Variants in SLC45A4 observed in about 807,000 individuals in gnomAD.
SLC45A4 encodes solute carrier family 45 member 4, also known as polyamine-transporter SLC45A4.
In SLC45A4, 32 loss-of-function variants were observed where a neutral mutation model predicts 63.7. The ratio of observed to expected loss-of-function variants is 0.50; its 90% CI spans 0.38 to 0.67. SLC45A4 has a LOEUF of 0.67. Ranked by LOEUF, SLC45A4 falls within the 30% of genes least tolerant of loss-of-function variation. The pLI is 0.00. For synonymous variants in SLC45A4, 535 were observed against 510.0 expected (o/e 1.05, Z -0.66); for missense variants, 1,027 against 1,157.7 (o/e 0.89, Z 1.64).
At position 141,217,099 on chromosome 8, in the gene SLC45A4, T is replaced by C. The variant is rs765063715; in HGVS notation, c.1720A>G (p.Ile574Val). ...CTTGGGGAGCTCTTACCTGAACAAA[T>C]AGCACCAGTGGCGGCATAAATGACC... ...GLVIYAATGA[I>V]CSALLQKYLD... Residue 574 changes from isoleucine to valine, a missense_variant, in exon 6 of 9, where the codon ATT becomes GTT. By Grantham distance (29) the Ile-to-Val change is conservative. Coordinates refer to ENST00000517878, the MANE Select transcript of SLC45A4 (RefSeq NM_001286646.2). 3.7e-6 allele frequency: 6 copies of C among 1,613,786 alleles called. No individual in the cohort carries two copies. Among genetic ancestry groups the C allele is most frequent in the African/African-American group, 2.7e-5 (2 of 74,902 alleles).
At chr8:141,236,955 C>T (rs1827658309) in intron 2 of SLC45A4, among the ~76,000 whole-genome samples, 1 of 152,228 alleles carries the variant, frequency 6.6e-6, no homozygotes, top group South Asian at 2.1e-4. Context: ...CCAGTCCTAT[C>T]AGTTCAAACA....
chr8:141,261,780 T>C (rs889654240), intron 1 of SLC45A4, among the ~76,000 whole-genome samples: 6 of 152,166 alleles, frequency 3.9e-5, no homozygotes, highest in African/African-American at 1.4e-4. Flanking sequence ...ATCAATATCA[T>C]GAAAATGGCC....
At position 141,303,827 on chromosome 8, in the gene SLC45A4, G is replaced by A. The variant is rs183781817; in HGVS notation, c.-401+4269C>T. ...ACAGGTTTAGGAGGATGAAAGTACC[G>A]AGACCCAGGTCTGAACAATACCTCC... On this transcript the variant is annotated intron_variant, in intron 1 of 8. Transcript: ENST00000517878. Among the ~76,000 whole-genome samples, 39 of 152,354 alleles carry A rather than the reference G, an allele frequency of 2.6e-4. 1 individual carries two copies. In the East Asian group the frequency reaches 7.3e-3, roughly 29 times the overall value.
intron 2 of SLC45A4, among the ~76,000 whole-genome samples, chr8:141,245,505 C>T (rs1301537895): frequency 6.6e-6 from 1 of 152,190 alleles, no homozygotes; most frequent in Non-Finnish European, 1.5e-5. Flanking sequence ...TTACTGCTTG[C>T]CTCCCCCAGG....
intron 1 of SLC45A4, among the ~76,000 whole-genome samples, chr8:141,260,048 C>T (rs1264339664): frequency 3.3e-5 from 5 of 152,112 alleles, no homozygotes; most frequent in African/African-American, 9.7e-5. Flanking sequence ...AGCATGGCAC[C>T]GGTGTCACCT....
At chr8:141,216,782 G>C (rs1201127920) in intron 6 of SLC45A4, among the ~76,000 whole-genome samples, 1 of 152,174 alleles carries the variant, frequency 6.6e-6, no homozygotes, top group African/African-American at 2.4e-5. Context: ...TCTGTGCTGG[G>C]GCCAGGGACA....
intron 1 of SLC45A4, among the ~76,000 whole-genome samples, chr8:141,295,700 C>T (rs1830521745): frequency 1.3e-5 from 2 of 152,216 alleles, no homozygotes; most frequent in Non-Finnish European, 1.5e-5. Context: ...CGATTGACCA[C>T]TCGGAACCCA....
intron 1 of SLC45A4, among the ~76,000 whole-genome samples, chr8:141,296,992 T>A (rs1399960870): frequency 6.6e-6 from 1 of 152,080 alleles, no homozygotes; most frequent in Admixed American, 6.5e-5. Flanking sequence ...CCTCCAGAAC[T>A]TGAGAAAGAA....
intron 1 of SLC45A4, among the ~76,000 whole-genome samples, chr8:141,263,628 G>C (rs1448641692): frequency 1.3e-5 from 2 of 151,176 alleles, no homozygotes; most frequent in Non-Finnish European, 3.0e-5. Context: ...AAATTAGCTG[G>C]GCATGGTGGC....
At chr8:141,233,197 A>T (rs898277361) in intron 2 of SLC45A4, among the ~76,000 whole-genome samples, 1 of 152,228 alleles carries the variant, frequency 6.6e-6, no homozygotes, top group Non-Finnish European at 1.5e-5. Context: ...AGCCAGGATG[A>T]GCTGGTTCCA....
At chr8:141,262,092 A>G (rs1463445016) in intron 1 of SLC45A4, among the ~76,000 whole-genome samples, 1 of 152,016 alleles carries the variant, frequency 6.6e-6, no homozygotes, top group Non-Finnish European at 1.5e-5. Context: ...TCTTTGACAA[A>G]CCTGACAAAA....
At position 141,218,408 on chromosome 8, in the gene SLC45A4, G is replaced by C. The variant is rs1826330091; in HGVS notation, c.1232C>G (p.Ser411Cys). 6.2e-7 allele frequency: 1 copy of C among 1,610,368 alleles called. No individual in the cohort carries two copies. Among genetic ancestry groups the C allele is most frequent in the Admixed American group, 1.7e-5 (1 of 59,998 alleles). ...GAACGCGTGCCGCCGCCGCCGCATG[G>C]AGCTCGACGTGGCCGAGGGCTTCGT... ...VDTKPSATSS[S>C]MRRRRHAFRR... The change falls in exon 5 of 9, where the codon TCC (serine) becomes TGC (cysteine). Residue 411 changes from serine to cysteine, a missense_variant. Physicochemically the swap from Ser to Cys is moderately radical, Grantham distance 112 (BLOSUM62 -1). Coordinates refer to ENST00000517878, the MANE Select transcript of SLC45A4 (RefSeq NM_001286646.2).
intron 1 of SLC45A4, among the ~76,000 whole-genome samples, chr8:141,273,630 T>C (rs1829621682): frequency 6.6e-6 from 1 of 151,922 alleles, no homozygotes; most frequent in Admixed American, 6.6e-5. Context: ...AGAACTGACC[T>C]CACAGACAGG....
intron 3 of SLC45A4, among the ~76,000 whole-genome samples, chr8:141,220,846 C>T (rs1011698449): frequency 2.6e-5 from 4 of 152,364 alleles, no homozygotes; most frequent in South Asian, 2.1e-4. Flanking sequence ...GGGCTGCTCT[C>T]GAGGGACACG....
At chr8:141,265,563 T>C (rs9324543) in intron 1 of SLC45A4, among the ~76,000 whole-genome samples, 41,968 of 152,012 alleles carry the variant, frequency 0.28, 6,090 homozygotes, top group East Asian at 0.39. Flanking sequence ...GAGCATTATC[T>C]GAAAAAAGGA....
chr8:141,301,768 G>A (rs951887295), intron 1 of SLC45A4, among the ~76,000 whole-genome samples: 5 of 82,816 alleles, frequency 6.0e-5, no homozygotes, highest in Admixed American at 1.3e-4. Context: ...AAAAATCCTG[G>A]GCAACTCAGT....
At chr8:141,231,053 A>T (rs766063599) in intron 2 of SLC45A4, among the ~76,000 whole-genome samples, 2 of 152,192 alleles carry the variant, frequency 1.3e-5, no homozygotes, top group African/African-American at 2.4e-5. Flanking sequence ...GGAGGGAAAG[A>T]CCAGCACCTG....
chr8:141,270,863 G>A (rs1829494934), intron 1 of SLC45A4, among the ~76,000 whole-genome samples: 2 of 152,062 alleles, frequency 1.3e-5, no homozygotes, highest in Admixed American at 6.6e-5. Context: ...CGACCAGCTC[G>A]TACCTCCCTG....
chr8:141,293,098 C>T (rs1175429904), intron 1 of SLC45A4, among the ~76,000 whole-genome samples: 4 of 152,168 alleles, frequency 2.6e-5, no homozygotes, highest in East Asian at 3.8e-4. Flanking sequence ...CGTGGGCCTA[C>T]GTAATGCACG....
Sources: allele counts gnomAD v4.1 joint callset (sites outside exome capture counted in the v4.1 genomes callset), GRCh38; gene constraint gnomAD v4.1.1; transcripts MANE v1.5; gene names NCBI Gene and HGNC (gene_info 2026-07-23, HGNC 2026-07-21).